SLC45A2: variants seen among roughly 807,000 people sequenced by gnomAD.
SLC45A2 encodes solute carrier family 45 member 2, also known as membrane-associated transporter protein.
A neutral mutation model predicts 45.5 loss-of-function variants in SLC45A2; 36 were observed. The observed-to-expected ratio is 0.79, with a 90% CI of 0.61 to 1.04. The LOEUF (loss-of-function observed/expected upper bound fraction) is 1.04, where lower values mean the gene tolerates loss of function less well. SLC45A2 is among the 50% of genes least tolerant of loss of function. The probability of loss-of-function intolerance (pLI) is 0.00; values close to 1 mark genes in which losing one functional copy is unlikely to be tolerated. For synonymous variants in SLC45A2, 306 were observed against 269.3 expected, an observed-to-expected ratio of 1.14 and a Z score of -1.33; for missense variants, 719 against 671.0, an observed-to-expected ratio of 1.07 and a Z score of -0.79.
chr5:33,969,044 A>ACTCTCTCTCTCTCTCT (rs11272324), intron 2 of SLC45A2, among the ~76,000 whole-genome samples: 4,141 of 89,386 alleles, frequency 0.046, 488 homozygotes, highest in South Asian at 0.28. Flanking sequence ...AGTACCAGCT[A>ACTCTCTCTCTCTCTCT]CTCTCTCTCT....
intron 3 of SLC45A2, among the ~76,000 whole-genome samples, chr5:33,958,465 C>A (rs1278180898): frequency 6.6e-6 from 1 of 152,100 alleles, no homozygotes; most frequent in East Asian, 1.9e-4. Context: ...GAGTAAGATG[C>A]ATTACTCTGT....
At chr5:33,951,315 A>G in intron 5 of SLC45A2, 1 of 1,117,944 alleles carries the variant, frequency 8.9e-7, no homozygotes, top group Non-Finnish European at 1.2e-6. Context: ...GAGAAACTTG[A>G]TCAGGAACCC....
intron 2 of SLC45A2, among the ~76,000 whole-genome samples, chr5:33,967,481 A>G (rs1216165351): frequency 1.3e-5 from 2 of 152,156 alleles, no homozygotes; most frequent in African/African-American, 4.8e-5. Context: ...ACTGACACCA[A>G]TGCTGCTGGG....
chr5:33,980,511 T>C (rs1290881070), intron 2 of SLC45A2, among the ~76,000 whole-genome samples: 1 of 152,204 alleles, frequency 6.6e-6, no homozygotes, highest in Non-Finnish European at 1.5e-5. Flanking sequence ...AGGATCGAGA[T>C]AATGTAAGAG....
At chr5:33,983,078 G>C (rs1299008397) in intron 1 of SLC45A2, among the ~76,000 whole-genome samples, 1 of 152,178 alleles carries the variant, frequency 6.6e-6, no homozygotes, top group Non-Finnish European at 1.5e-5. Flanking sequence ...GCCTGAAGGG[G>C]GCCCGAGAAA....
At chr5:33,979,309 G>C (rs1460909245) in intron 2 of SLC45A2, among the ~76,000 whole-genome samples, 1 of 152,240 alleles carries the variant, frequency 6.6e-6, no homozygotes, top group East Asian at 1.9e-4. Flanking sequence ...TTGGTTGAAA[G>C]AGTTATCTAT....
intron 2 of SLC45A2, among the ~76,000 whole-genome samples, chr5:33,966,436 T>C (rs1051820052): frequency 7.0e-6 from 1 of 143,070 alleles, no homozygotes; most frequent in African/African-American, 2.6e-5. Flanking sequence ...TCTTTTTTTT[T>C]TTTTTTTTTT....
chr5:33,949,203 G>C lies in SLC45A2; in HGVS notation c.1157-1829C>G, dbSNP rs919912994. 5.9e-5 allele frequency among the ~76,000 whole-genome samples: 9 copies of C among 152,276 alleles called. No homozygotes were observed. The East Asian group carries it at 1.5e-3, about 26-fold the overall frequency. ...TCCACCTCAGCAGCCAGATTGTCCT[G>C]CCAACCTCCATGTGGATAGAAACTC... is the stretch of plus-strand genomic sequence containing the variant. On this transcript the variant is annotated intron_variant, in intron 5 of 6. Coordinates refer to ENST00000296589, the MANE Select transcript of SLC45A2 (RefSeq NM_016180.5).
chr5:33,963,349 T>A (rs957764589), intron 3 of SLC45A2, among the ~76,000 whole-genome samples: 1 of 151,992 alleles, frequency 6.6e-6, no homozygotes, highest in African/African-American at 2.4e-5. Flanking sequence ...GAGGAAAAAA[T>A]TTCTAATTTA....
chr5:33,971,158 T>C (rs983386442), intron 2 of SLC45A2: 19 of 531,544 alleles, frequency 3.6e-5, no homozygotes, highest in Non-Finnish European at 7.3e-5. Context: ...AAGAGTTGCT[T>C]TGGATAGGGC....
At chr5:33,974,349 A>C (rs150570771) in intron 2 of SLC45A2, among the ~76,000 whole-genome samples, 127 of 152,218 alleles carry the variant, frequency 8.3e-4, no homozygotes, top group African/African-American at 2.8e-3. Context: ...AGAAAATCCC[A>C]AAAAAATGTC....
intron 1 of SLC45A2, 116 bp downstream of exon 1, chr5:33,984,083 G>A: frequency 1.4e-6 from 2 of 1,457,972 alleles, no homozygotes; most frequent in Non-Finnish European, 1.9e-6. Flanking sequence ...TGTAACCTAG[G>A]AGAGATCAAT....
In SLC45A2 at chr5:33,961,181, C is replaced by T. The variant is rs80292549; in HGVS notation, c.888+2510G>A. ...CATTCCAAGACATCTTATTATTCAC[C>T]CAAATAAACCCTCCTGGGTACCTCT... On this transcript the variant is annotated intron_variant, in intron 3 of 6. Coordinates refer to ENST00000296589, the MANE Select transcript of SLC45A2 (RefSeq NM_016180.5). Among the ~76,000 whole-genome samples, 340 of 152,132 alleles carry T rather than the reference C, an allele frequency of 2.2e-3. 2 individuals carry two copies. The highest frequency in any genetic ancestry group is 7.6e-3 in the African/African-American group (317 of 41,504).
rs745313198 is a variant in SLC45A2, at chr5:33,944,771, G to A, written c.1470C>T (p.Val490=). The A allele has an allele frequency of 1.2e-5, 20 of 1,614,030 alleles. No homozygotes were observed. Among genetic ancestry groups the A allele is most frequent in the Middle Eastern group, 1.6e-4 (1 of 6,084 alleles). Residue 490 remains valine, a synonymous_variant, in exon 7 of 7, where the codon GTC becomes GTT. Transcript: ENST00000296589. ...TCMVQLAQIL[V]GGGLGFLVNT... ...TGACCAGAAAGCCCAGGCCACCTCC[G>A]ACCAGGATCTGAGCCAGCTGCACCA...
Position 33,984,613 on chromosome 5 carries a change from C to A in SLC45A2, c.-30G>T, listed in dbSNP as rs1753197383. On this transcript the variant is annotated 5_prime_UTR_variant, in exon 1 of 7. Transcript: ENST00000296589. ...ACTGGGAGAGGAACCTTCCTGCGAGCCCACCACCTCCTGCGTGGTCCTAGG... is the reference window on the plus strand; with the variant it reads ...ACTGGGAGAGGAACCTTCCTGCGAGACCACCACCTCCTGCGTGGTCCTAGG... 4 of 1,604,770 alleles carry A rather than the reference C, an allele frequency of 2.5e-6. No individual in the cohort carries two copies. In the South Asian group the frequency reaches 3.3e-5, roughly 13 times the overall value.
At chr5:33,956,616 G>A (rs191070445) in intron 3 of SLC45A2, among the ~76,000 whole-genome samples, 19 of 152,288 alleles carry the variant, frequency 1.2e-4, no homozygotes, top group Non-Finnish European at 2.5e-4. Flanking sequence ...CCATAACAAT[G>A]CTTCTGCTCA....
Position 33,963,825 on chromosome 5 carries a change from G to C in SLC45A2, c.754C>G (p.Gln252Glu), listed in dbSNP as rs369071328. The C allele has an allele frequency of 7.4e-6, 12 of 1,614,036 alleles. No homozygotes were observed. The highest frequency in any genetic ancestry group is 4.0e-5 in the African/African-American group (3 of 74,908). ...AATGGAGGGTCCTGAGGGGTTTGCT[G>C]TGGGGGAATGCCCTTTGCAACCTCT... ...LTEVAKGIPP[Q>E]QTPQDPPLSS... The change falls in exon 3 of 7, where the codon CAG (glutamine) becomes GAG (glutamate). Residue 252 changes from glutamine (Q) to glutamate (E), a missense_variant. Gln to Glu is a conservative substitution (Grantham distance 29). Coordinates refer to ENST00000296589, the MANE Select transcript of SLC45A2 (RefSeq NM_016180.5).
At chr5:33,956,115 A>C (rs1038949330) in intron 3 of SLC45A2, among the ~76,000 whole-genome samples, 1 of 152,214 alleles carries the variant, frequency 6.6e-6, no homozygotes, top group Non-Finnish European at 1.5e-5. Flanking sequence ...ACTGACAATT[A>C]ATGGCAGAAA....
Position 33,968,146 on chromosome 5 carries a change from C to T in SLC45A2, c.563-4130G>A, listed in dbSNP as rs111667672. On this transcript the variant is annotated intron_variant, in intron 2 of 6. Transcript: ENST00000296589. The stretch of plus-strand genomic sequence containing the variant: ...AAAATATTTAAACTTTATCTATTTG[C>T]TGCCTCAGATATGATGAGGGCCAGT... Among the ~76,000 whole-genome samples, 300 of 152,270 alleles carry T rather than the reference C, an allele frequency of 2.0e-3. 1 individual carries two copies. The highest frequency in any genetic ancestry group is 7.0e-3 in the African/African-American group (290 of 41,562).
Sources: gnomAD v4.1 joint callset for allele counts (sites outside exome capture counted in the v4.1 genomes callset) on GRCh38, gnomAD v4.1.1 for gene constraint, MANE v1.5 for transcripts, NCBI Gene and HGNC (gene_info 2026-07-23, HGNC 2026-07-21) for gene names.